ASIC2: variants seen among roughly 807,000 people sequenced by gnomAD.
The protein encoded by ASIC2 is acid sensing ion channel subunit 2, also known as acid-sensing ion channel 2.
ASIC2 carries 25 observed loss-of-function variants against 57.3 expected under a neutral mutation model. The observed-to-expected ratio is 0.44, with a 90% CI of 0.32 to 0.61. ASIC2 has a LOEUF of 0.61. Ranked by LOEUF, ASIC2 falls within the 20% of genes least tolerant of loss-of-function variation. ASIC2 has a pLI of 0.06. For synonymous variants in ASIC2, 319 were observed against 307.5 expected (o/e 1.04, Z -0.39); for missense variants, 641 against 738.1 (o/e 0.87, Z 1.52).
rs147153560 is a variant in ASIC2 at position 33,111,990 on chromosome 17, C to G, written c.786G>C (p.Gly262=). The G allele has an allele frequency of 2.5e-6, 4 of 1,614,024 alleles. No individual in the cohort carries two copies. The highest frequency in any genetic ancestry group is 3.4e-6 in the Non-Finnish European group (4 of 1,179,982). ...DGKPLLTTVK[G]GTGNGLEIML... ...TGATCTCCAGCCCGTTGCCTGTCCC[C>G]CCCTTGACCGTGGTGAGCAGAGGTT... Residue 262 remains glycine, a synonymous_variant, in exon 2 of 10, where the codon GGG becomes GGC. Transcript: ENST00000225823.
chr17:34,043,093 C>G (rs1908197843), intron 1 of ASIC2, among the ~76,000 whole-genome samples: 1 of 151,952 alleles, frequency 6.6e-6, no homozygotes, highest in South Asian at 2.1e-4. Flanking sequence ...ATGAAATAAA[C>G]CCATGGTGTT....
At chr17:33,761,542 T>C (rs777866315) in intron 1 of ASIC2, among the ~76,000 whole-genome samples, 1 of 152,160 alleles carries the variant, frequency 6.6e-6, no homozygotes, top group Non-Finnish European at 1.5e-5. Flanking sequence ...CCAAATGGAA[T>C]GGAGTGATCA....
intron 1 of ASIC2, among the ~76,000 whole-genome samples, chr17:33,745,095 A>G (rs924306272): frequency 2.2e-4 from 34 of 152,336 alleles, no homozygotes; most frequent in Admixed American, 1.3e-3. Context: ...ATTTCACAAA[A>G]ATCTACTAAA....
intron 1 of ASIC2, among the ~76,000 whole-genome samples, chr17:33,978,943 G>A (rs1342132438): frequency 1.3e-5 from 2 of 152,164 alleles, no homozygotes; most frequent in Non-Finnish European, 2.9e-5. Context: ...AAAGGGCTGA[G>A]TGTAAGTACA....
intron 1 of ASIC2, among the ~76,000 whole-genome samples, chr17:33,462,895 T>C (rs937452504): frequency 2.0e-5 from 3 of 152,218 alleles, no homozygotes; most frequent in Non-Finnish European, 2.9e-5. Context: ...GAGTCATTTA[T>C]AGTGATGAGA....
intron 1 of ASIC2, among the ~76,000 whole-genome samples, chr17:33,228,407 A>G (rs570637507): frequency 9.8e-5 from 15 of 152,388 alleles, no homozygotes; most frequent in African/African-American, 3.6e-4. Context: ...GGAAGAAAGC[A>G]AAGCCCATGA....
intron 1 of ASIC2, among the ~76,000 whole-genome samples, chr17:33,952,193 G>A (rs1597946401): frequency 6.6e-6 from 1 of 152,178 alleles, no homozygotes; most frequent in African/African-American, 2.4e-5. Flanking sequence ...AATGAGTGAA[G>A]AGAAGTGAAT....
intron 1 of ASIC2, among the ~76,000 whole-genome samples, chr17:33,547,677 G>A (rs998704946): frequency 6.6e-6 from 1 of 152,136 alleles, no homozygotes; most frequent in Non-Finnish European, 1.5e-5. Context: ...GCCTCTCCCT[G>A]GCTGGGACAA....
chr17:33,660,320 A>T (rs1357985483), intron 1 of ASIC2, among the ~76,000 whole-genome samples: 1 of 152,002 alleles, frequency 6.6e-6, no homozygotes, highest in Non-Finnish European at 1.5e-5. Flanking sequence ...GCTTATTGTA[A>T]TGTTTTGGCT....
intron 1 of ASIC2, among the ~76,000 whole-genome samples, chr17:33,319,265 A>G (rs969712627): frequency 1.3e-5 from 2 of 152,196 alleles, no homozygotes; most frequent in African/African-American, 4.8e-5. Flanking sequence ...ACTTTCATGC[A>G]TCCATTGGGG....
intron 1 of ASIC2, among the ~76,000 whole-genome samples, chr17:33,973,215 C>T (rs1257385705): frequency 1.3e-5 from 2 of 152,154 alleles, no homozygotes; most frequent in Admixed American, 6.5e-5. Context: ...CAGAAGCTAC[C>T]AAAGGGCCAA....
chr17:33,293,845 G>C (rs1905610434), upstream of ASIC2, among the ~76,000 whole-genome samples: 3 of 152,178 alleles, frequency 2.0e-5, no homozygotes, highest in South Asian at 6.2e-4. Flanking sequence ...GTGAGTCCTG[G>C]GTTTGAAATG....
At chr17:33,045,689 A>AT (rs1491141517) in intron 3 of ASIC2, among the ~76,000 whole-genome samples, 2 of 152,064 alleles carry the variant, frequency 1.3e-5, no homozygotes, top group Non-Finnish European at 2.9e-5. Flanking sequence ...TCCTCAAGAC[A>AT]TAGTACTGAG....
At chr17:33,454,590 TC>T (rs1912383098) in intron 1 of ASIC2, among the ~76,000 whole-genome samples, 1 of 152,264 alleles carries the variant, frequency 6.6e-6, no homozygotes, top group African/African-American at 2.4e-5. Flanking sequence ...GAGGCTTTAT[TC>T]TGTTATTCTT....
chr17:33,190,789 C>T (rs1397388270), intron 1 of ASIC2, among the ~76,000 whole-genome samples: 1 of 152,042 alleles, frequency 6.6e-6, no homozygotes. Flanking sequence ...CACTAAGCAC[C>T]ATTATAATGG....
At chr17:34,085,424 G>A (rs137999885) in intron 1 of ASIC2, among the ~76,000 whole-genome samples, 2,722 of 152,278 alleles carry the variant, frequency 0.018, 79 homozygotes, top group East Asian at 0.059. Context: ...CTGATGTGCT[G>A]CTGGATTCGG....
At chr17:33,350,977 C>T (rs1017034070) in intron 1 of ASIC2, among the ~76,000 whole-genome samples, 2 of 152,176 alleles carry the variant, frequency 1.3e-5, no homozygotes, top group Admixed American at 1.3e-4. Flanking sequence ...CATTTCCTTT[C>T]GTGTTCCATC....
At chr17:33,691,664 C>T (rs562322659) in intron 1 of ASIC2, among the ~76,000 whole-genome samples, 2 of 152,126 alleles carry the variant, frequency 1.3e-5, no homozygotes, top group Admixed American at 6.5e-5. Flanking sequence ...GATTTTAAAG[C>T]ATGACTTTGT....
intron 1 of ASIC2, chr17:34,038,315 G>A: frequency 1.2e-6 from 2 of 1,610,320 alleles, no homozygotes; most frequent in South Asian, 2.2e-5. Flanking sequence ...TTCTAATACT[G>A]TACAAAACGA....
Sources: allele counts gnomAD v4.1 joint callset (sites outside exome capture counted in the v4.1 genomes callset), GRCh38; gene constraint gnomAD v4.1.1; transcripts MANE v1.5; gene names NCBI Gene and HGNC (gene_info 2026-07-23, HGNC 2026-07-21).